The following EMX1 variants were observed in gnomAD, a reference collection of about 807,000 sequenced individuals.
The protein encoded by EMX1 is empty spiracles homeobox 1.
Under a neutral mutation model 20.1 loss-of-function variants are expected in EMX1, and 10 were observed. The observed-to-expected ratio is 0.50, with a 90% CI of 0.31 to 0.84. The LOEUF is 0.84. Among genes scored for constraint, EMX1 ranks in the 40% least tolerant of loss-of-function variants. The pLI, the probability that EMX1 is intolerant of heterozygous loss-of-function variation, is 0.05. For synonymous variants in EMX1, 250 were observed against 200.4 expected (o/e 1.25, Z -2.09); for missense variants, 424 against 431.9 (o/e 0.98, Z 0.16).
chr2:72,924,184 A>C, intron 1 of EMX1, 125 bp from the exon 2 acceptor site: 1 of 1,210,322 alleles, frequency 8.3e-7, no homozygotes, highest in Non-Finnish European at 1.2e-6. Flanking sequence ...TGTGCGTGTC[A>C]AGGAATGGAG....
At chr2:72,932,992 G>T (rs1671308573) in intron 2 of EMX1, 1 of 152,288 alleles carries the variant, frequency 6.6e-6, no homozygotes, top group Admixed American at 6.5e-5. Flanking sequence ...GTCCTTGTCT[G>T]TCCAAGGAGA....
intron 2 of EMX1, among the ~76,000 whole-genome samples, chr2:72,927,382 C>CAAAA (rs1671222797): frequency 6.6e-6 from 1 of 152,154 alleles, no homozygotes; most frequent in Admixed American, 6.5e-5. Context: ...TTGAATGACA[C>CAAAA]AAATTCCAGG....
chr2:72,921,492 A>C (rs1349716642), intron 1 of EMX1, among the ~76,000 whole-genome samples: 1 of 152,180 alleles, frequency 6.6e-6, no homozygotes, highest in African/African-American at 2.4e-5. Flanking sequence ...GCGGGGCGGT[A>C]CAGGTACCTG....
chr2:72,924,552 C>G (rs1671161833), intron 2 of EMX1, 59 bp downstream of exon 2: 58 of 1,483,362 alleles, frequency 3.9e-5, no homozygotes, highest in Non-Finnish European at 4.8e-5. Context: ...GGTGAGGGTG[C>G]GCGGGTGCAG....
chr2:72,920,609 C>G (rs185879551), intron 1 of EMX1, among the ~76,000 whole-genome samples: 30 of 152,320 alleles, frequency 2.0e-4, no homozygotes, highest in Non-Finnish European at 4.4e-5. Flanking sequence ...ATTTCAGCCC[C>G]GTCTTAATGC....
upstream of EMX1, chr2:72,917,429 A>C (rs942376886): frequency 1.4e-4 from 28 of 196,428 alleles, no homozygotes; most frequent in South Asian, 4.6e-3. Context: ...CTCCCTCCCC[A>C]CCCGCCGTCC....
intron 2 of EMX1, chr2:72,933,533 C>T (rs1394933967): frequency 1.9e-6 from 1 of 515,978 alleles, no homozygotes; most frequent in Non-Finnish European, 3.5e-6. Context: ...CTCTGTGACC[C>T]TTTGTTTGAG....
chr2:72,925,850 C>T (rs1159842523), intron 2 of EMX1: 12 of 985,320 alleles, frequency 1.2e-5, no homozygotes, highest in Non-Finnish European at 1.2e-5. Context: ...ACAAATCGCT[C>T]ACGGGTCGGA....
In EMX1 at chr2:72,918,273, C is replaced by A. The variant is rs1671029121; in HGVS notation, c.421C>A (p.Leu141Met). The A allele has an allele frequency of 1.3e-6, 2 of 1,576,996 alleles. No homozygotes were observed. The highest frequency in any genetic ancestry group is 8.5e-7 in the Non-Finnish European group (1 of 1,172,134). ...HPAHQLGASP[L>M]QPPHSFFGAQ... ...GGCGCACCAGCTGGGCGCCTCCCCG[C>A]TGCAGCCCCCGCACTCCTTCTTCGG... Residue 141 changes from leucine (L) to methionine (M), a missense_variant, in exon 1 of 3, where the codon CTG becomes ATG. Physicochemically the swap from Leu to Met is conservative, Grantham distance 15. Coordinates refer to ENST00000258106, the MANE Select transcript of EMX1 (RefSeq NM_004097.3).
chr2:72,927,808 TG>T (rs1049293680), intron 2 of EMX1, among the ~76,000 whole-genome samples: 11 of 152,244 alleles, frequency 7.2e-5, no homozygotes, highest in Admixed American at 6.5e-4. Context: ...AAACATGTAT[TG>T]AATTAATGAG....
Position 72,917,752 on chromosome 2 carries a change from T to G in EMX1, c.-101T>G. 4.5e-6 allele frequency: 5 copies of G among 1,118,454 alleles called. No homozygotes were observed. The highest frequency in any genetic ancestry group is 5.6e-6 in the Non-Finnish European group (5 of 894,102). 69.3% of individuals were successfully genotyped at this position (1,118,454 alleles called of 1,614,324 possible). On this transcript the variant is annotated 5_prime_UTR_variant, in exon 1 of 3. Coordinates refer to ENST00000258106, the MANE Select transcript of EMX1 (RefSeq NM_004097.3). ...CGTACGCTGTGGCCGGACCCCGCGG[T>G]CGCTCGCTCACACACCCCTCGCCGC...
At chr2:72,919,884 A>G (rs1671069330) in intron 1 of EMX1, among the ~76,000 whole-genome samples, 1 of 152,346 alleles carries the variant, frequency 6.6e-6, no homozygotes, top group African/African-American at 2.4e-5. Context: ...AAAATTGAGC[A>G]ATCTACCCTG....
Position 72,933,979 on chromosome 2 carries a change from G to A in EMX1, c.*25G>A. 6.2e-7 allele frequency: 1 copy of A among 1,613,888 alleles called. No individual in the cohort carries two copies. The highest frequency in any genetic ancestry group is 8.5e-7 in the Non-Finnish European group (1 of 1,179,834). ...GGGTGGGCAACCACAAACCCACGAG[G>A]GCAGAGTGCTGCTTGCTGCTGGCCA... is the stretch of plus-strand genomic sequence containing the variant. On this transcript the variant is annotated 3_prime_UTR_variant, in exon 3 of 3. Transcript: ENST00000258106.
At position 72,930,260 on chromosome 2, in the gene EMX1, G is replaced by A. The variant is rs1671261210; in HGVS notation, c.706-3527G>A. 6.6e-6 allele frequency among the ~76,000 whole-genome samples: 1 copy of A among 152,172 alleles called. No homozygotes were observed. The highest frequency in any genetic ancestry group is 1.5e-5 in the Non-Finnish European group (1 of 68,034). On this transcript the variant is annotated intron_variant, in intron 2 of 2. Transcript: ENST00000258106. The surrounding 1 kb of genome is among the most constrained non-coding windows in gnomAD (Gnocchi z 4.4). ...CTCCAGTCTCATAGTCTGGTGAGGA[G>A]GCAGACGTAAATAAATAAATTAGTG...
At chr2:72,924,222 G>A in intron 1 of EMX1, 87 bp from the exon 2 acceptor site, 3 of 1,492,644 alleles carry the variant, frequency 2.0e-6, no homozygotes, top group Non-Finnish European at 2.7e-6. Flanking sequence ...AGCAGGGCGC[G>A]AGGCCAGGCT....
At chr2:72,925,374 G>T (rs1299529596) in intron 2 of EMX1, 9 of 1,227,218 alleles carry the variant, frequency 7.3e-6, no homozygotes, top group South Asian at 2.7e-5. Context: ...TGGGTTCATT[G>T]TAAGTAGACT....
chr2:72,918,269 C>G lies in EMX1; in HGVS notation c.417C>G (p.Ser139=). The change falls in exon 1 of 3, where the codon TCC becomes TCG. Residue 139 remains serine (S), a synonymous_variant. Transcript: ENST00000258106. ...TVHPAHQLGA[S]PLQPPHSFFG... ...ATCCGGCGCACCAGCTGGGCGCCTC[C>G]CCGCTGCAGCCCCCGCACTCCTTCT... is the stretch of plus-strand genomic sequence containing the variant. 6.3e-7 allele frequency: 1 copy of G among 1,577,082 alleles called. No homozygotes were observed. Among genetic ancestry groups the G allele is most frequent in the East Asian group, 2.4e-5 (1 of 41,768 alleles).
chr2:72,925,628 C>T, intron 2 of EMX1: 1 of 1,210,162 alleles, frequency 8.3e-7, no homozygotes, highest in South Asian at 1.4e-5. Context: ...ACTACACCAC[C>T]GTCCCCTCCC....
chr2:72,919,429 G>T (rs1352891134), intron 1 of EMX1, among the ~76,000 whole-genome samples: 1 of 152,086 alleles, frequency 6.6e-6, no homozygotes, highest in Non-Finnish European at 1.5e-5. Context: ...AAGGGTCTAT[G>T]GCTCAGAGCT....
Sources: gnomAD v4.1 joint callset for allele counts (sites outside exome capture counted in the v4.1 genomes callset) on GRCh38, gnomAD v4.1.1 for gene constraint, Gnocchi (gnomAD v3.1) non-coding constraint, MANE v1.5 for transcripts, NCBI Gene and HGNC (gene_info 2026-07-23, HGNC 2026-07-21) for gene names.